CFLAR: variants seen among roughly 807,000 people sequenced by gnomAD.
CFLAR encodes CASP8 and FADD-like apoptosis regulator.
CFLAR carries 14 observed loss-of-function variants against 51.1 expected under a neutral mutation model. The ratio of observed to expected loss-of-function variants is 0.27; its 90% CI spans 0.18 to 0.43. CFLAR has a LOEUF of 0.43. CFLAR is among the 20% of genes least tolerant of loss of function. CFLAR has a pLI of 1.00. For synonymous variants in CFLAR, 210 were observed against 211.6 expected (o/e 0.99, Z 0.06); for missense variants, 390 against 566.5 (o/e 0.69, Z 3.16).
chr2:201,121,322 G>A (rs1245946726), intron 1 of CFLAR, among the ~76,000 whole-genome samples: 1 of 152,214 alleles, frequency 6.6e-6, no homozygotes, highest in East Asian at 1.9e-4. Context: ...CACTATATCA[G>A]TTGCTGTCTG....
chr2:201,162,920 T>C, intron 9 of CFLAR: 1 of 673,304 alleles, frequency 1.5e-6, no homozygotes, highest in South Asian at 1.6e-5. Flanking sequence ...TGTTGCACAG[T>C]GTTTGCTTTC....
At chr2:201,140,759 GTA>G (rs750211537) in intron 5 of CFLAR, 601 of 97,516 alleles carry the variant, frequency 6.2e-3, no homozygotes, top group Non-Finnish European at 7.7e-3. Flanking sequence ...CTGTATGTAT[GTA>G]TATATATATA....
chr2:201,136,052 A>G lies in CFLAR; in HGVS notation c.468A>G (p.Leu156=). ...PDQLDLLEKC[L]KNIHRIDLKT... ...AACTGGATTTATTAGAAAAATGCCT[A>G]AAGAACATCCACAGAATAGACCTGA... The change falls in exon 4 of 10, where the codon CTA becomes CTG. Residue 156 remains leucine (L), a synonymous_variant. Transcript: ENST00000309955. 1.2e-6 allele frequency: 2 copies of G among 1,614,126 alleles called. No homozygotes were observed. The highest frequency in any genetic ancestry group is 8.5e-7 in the Non-Finnish European group (1 of 1,180,020).
chr2:201,131,376 C>T (rs776493197), intron 2 of CFLAR, among the ~76,000 whole-genome samples: 6 of 152,082 alleles, frequency 3.9e-5, no homozygotes, highest in Non-Finnish European at 8.8e-5. Flanking sequence ...GCTGGGATTA[C>T]AGGCACGCAC....
At chr2:201,151,805 G>A (rs183715676) in intron 8 of CFLAR, among the ~76,000 whole-genome samples, 1 of 151,704 alleles carries the variant, frequency 6.6e-6, no homozygotes, top group Admixed American at 6.6e-5. Context: ...GCTTGCTTCT[G>A]TTGCTGGGTT....
At position 201,118,247 on chromosome 2, in the gene CFLAR, C is replaced by T. The variant is rs1479137996; in HGVS notation, c.-138+1766C>T. ...CTGTTTGTAACTGACATTTGACCTT[C>T]TTTTAACACGGTATTACTTGCTTCC... On this transcript the variant is annotated intron_variant, in intron 1 of 9. Coordinates refer to ENST00000309955, the MANE Select transcript of CFLAR (RefSeq NM_003879.7). This position sits in a 1 kb window ranked among gnomAD's most constrained non-coding sequence, Gnocchi z 5.1. Among the ~76,000 whole-genome samples the T allele has an allele frequency of 6.6e-6, 1 of 152,236 alleles. No homozygotes were observed. The highest frequency in any genetic ancestry group is 1.5e-5 in the Non-Finnish European group (1 of 68,050).
chr2:201,121,450 G>C (rs1477023818), intron 1 of CFLAR, among the ~76,000 whole-genome samples: 2 of 152,238 alleles, frequency 1.3e-5, no homozygotes, highest in African/African-American at 4.8e-5. Context: ...ACCCAGGCAA[G>C]AGATGAGAAA....
At chr2:201,156,126 A>G (rs1252738497) in intron 8 of CFLAR, among the ~76,000 whole-genome samples, 1 of 152,180 alleles carries the variant, frequency 6.6e-6, no homozygotes, top group Non-Finnish European at 1.5e-5. Context: ...GAAGTACATC[A>G]TATATTTGAT....
In CFLAR at chr2:201,165,099, T is replaced by C. The variant is rs1364159564; in HGVS notation, c.*1126T>C. 1 of 152,168 alleles carries C rather than the reference T, an allele frequency of 6.6e-6. No individual in the cohort carries two copies. The highest frequency in any genetic ancestry group is 1.5e-5 in the Non-Finnish European group (1 of 68,030). The allele number at this position is 152,168 out of a possible 1,614,324, so 9.4% of individuals were successfully genotyped here. A position where few individuals can be genotyped will look rare whatever the true frequency, so the allele number is the denominator to read the frequency against. On this transcript the variant is annotated 3_prime_UTR_variant, in exon 10 of 10. Coordinates refer to ENST00000309955, the MANE Select transcript of CFLAR (RefSeq NM_003879.7). ...GGGGGGAATACAAACATTCAGTTTG[T>C]AACAATAGCCTTATGATTTAGAGGT...
chr2:201,161,742 T>C (rs1308077923), intron 9 of CFLAR, among the ~76,000 whole-genome samples: 1 of 42,148 alleles, frequency 2.4e-5, no homozygotes, highest in African/African-American at 9.0e-5. Flanking sequence ...ATTTTTCTTT[T>C]TTTTTTTTTT....
rs1214927899 is a variant in CFLAR, at chr2:201,163,948, A to G, written c.1418A>G (p.Lys473Arg). The change falls in exon 10 of 10, where the codon AAG becomes AGG. Residue 473 changes from lysine to arginine, a missense_variant. Lys to Arg is a conservative substitution (Grantham distance 26, BLOSUM62 2). Transcript: ENST00000309955. Reference protein sequence around the residue: ...YYVWLQHTLRKKLILSYT With the variant: ...YYVWLQHTLRRKLILSYT Reference sequence around the variant, plus strand: ...GTCTGGCTGCAGCACACTCTGAGAAAGAAACTTATCCTCTCCTACACATAA... The same window carrying G: ...GTCTGGCTGCAGCACACTCTGAGAAGGAAACTTATCCTCTCCTACACATAA... The G allele has an allele frequency of 1.2e-6, 2 of 1,614,056 alleles. No homozygotes were observed. Among genetic ancestry groups the G allele is most frequent in the Admixed American group, 3.3e-5 (2 of 59,986 alleles).
chr2:201,141,379 A>G (rs1426105096), intron 5 of CFLAR: 2 of 1,558,212 alleles, frequency 1.3e-6, no homozygotes, highest in African/African-American at 1.4e-5. Flanking sequence ...TACAGATGAT[A>G]ACACCCTATG....
At chr2:201,134,706 T>C (rs2049873129) in intron 3 of CFLAR, among the ~76,000 whole-genome samples, 1 of 149,952 alleles carries the variant, frequency 6.7e-6, no homozygotes, top group South Asian at 2.1e-4. Flanking sequence ...TAAAATAACA[T>C]TCTAGTTGGC....
intron 8 of CFLAR, among the ~76,000 whole-genome samples, chr2:201,155,053 T>C (rs1941925750): frequency 6.6e-6 from 1 of 152,198 alleles, no homozygotes; most frequent in African/African-American, 2.4e-5. Context: ...AAGTCTTTGG[T>C]GTTGTGTCAT....
Position 201,176,188 on chromosome 2 carries a change from G to A in CFLAR, c.*12215G>A, listed in dbSNP as rs998230872. On this transcript the variant is annotated 3_prime_UTR_variant, in exon 10 of 10. Transcript: ENST00000309955. The stretch of plus-strand genomic sequence containing the variant: ...GCCCTCTTGACTTGGGGTTTTATAT[G>A]CTGGCATACTTCCGGGATCTTGTGT... 6.7e-6 allele frequency: 1 copy of A among 149,792 alleles called. No homozygotes were observed. Among genetic ancestry groups the A allele is most frequent in the Non-Finnish European group, 1.5e-5 (1 of 67,910 alleles). The allele number at this position is 149,792 out of a possible 1,614,324, so 9.3% of individuals were successfully genotyped here. A position where few individuals can be genotyped will look rare whatever the true frequency, so the allele number is the denominator to read the frequency against.
At chr2:201,133,928 CAAAA>C (rs1267307823) in intron 3 of CFLAR, among the ~76,000 whole-genome samples, 53 of 49,846 alleles carry the variant, frequency 1.1e-3, no homozygotes, top group African/African-American at 2.7e-3. Flanking sequence ...GACTCCATCT[CAAAA>C]AAAAAAAAAA....
intron 8 of CFLAR, among the ~76,000 whole-genome samples, chr2:201,152,288 G>A (rs1369711375): frequency 3.3e-5 from 5 of 152,002 alleles, no homozygotes; most frequent in Non-Finnish European, 5.9e-5. Context: ...GAGCCACCAC[G>A]CTCGGCTTCT....
intron 3 of CFLAR, among the ~76,000 whole-genome samples, chr2:201,133,426 T>C (rs183112737): frequency 7.9e-5 from 12 of 152,270 alleles, no homozygotes; most frequent in Admixed American, 6.5e-4. Flanking sequence ...CCTGGTTTGA[T>C]GGGGTTGTGG....
chr2:201,173,678 T>TTTTA lies in CFLAR; in HGVS notation c.*9709_*9712dup, dbSNP rs1944118520. 1 of 151,646 alleles carries TTTTA rather than the reference T, an allele frequency of 6.6e-6. No individual in the cohort carries two copies. The highest frequency in any genetic ancestry group is 1.5e-5 in the Non-Finnish European group (1 of 67,938). 9.4% of individuals were successfully genotyped at this position (151,646 alleles called of 1,614,324 possible). A position where few individuals can be genotyped will look rare whatever the true frequency, so the allele number is the denominator to read the frequency against. The stretch of plus-strand genomic sequence containing the variant: ...CTCATTTTAAAACTGCGTTATTTTA[T>TTTTA]TTTATTTTTCTGAGATGGAATCTCA... On this transcript the variant is annotated 3_prime_UTR_variant, in exon 10 of 10. Coordinates refer to ENST00000309955, the MANE Select transcript of CFLAR (RefSeq NM_003879.7).
Sources: gnomAD v4.1 joint callset for allele counts (sites outside exome capture counted in the v4.1 genomes callset) on GRCh38, gnomAD v4.1.1 for gene constraint, Gnocchi (gnomAD v3.1) non-coding constraint, MANE v1.5 for transcripts, NCBI Gene and HGNC (gene_info 2026-07-23, HGNC 2026-07-21) for gene names.